The following CPLANE1 variants were observed in gnomAD, a reference collection of about 807,000 sequenced individuals.
The protein encoded by CPLANE1 is ciliogenesis and planar polarity effector 1.
CPLANE1 carries 263 observed loss-of-function variants against 362.5 expected under a neutral mutation model. The ratio of observed to expected loss-of-function variants is 0.73; its 90% confidence interval spans 0.66 to 0.80. The LOEUF (loss-of-function observed/expected upper bound fraction) is 0.80, where lower values mean the gene tolerates loss of function less well. Ranked by LOEUF, CPLANE1 falls within the 30% of genes least tolerant of loss-of-function variation. The pLI is 0.00. For missense variants in CPLANE1, 3,461 were observed against 3,793.4 expected, an observed-to-expected ratio of 0.91 and a Z score of 2.30; for synonymous variants, 1,212 against 1,302.6, an observed-to-expected ratio of 0.93 and a Z score of 1.50.
chr5:37,076,351 G>A, the CPLANE1 span, among the ~76,000 whole-genome samples: 1 of 151,678 alleles, frequency 6.6e-6, no homozygotes, highest in African/African-American at 2.4e-5. Flanking sequence ...TTTGAGACAA[G>A]GTCTCACTCT....
At chr5:37,152,472 T>C (rs779853759) in intron 42 of CPLANE1, among the ~76,000 whole-genome samples, 1 of 152,174 alleles carries the variant, frequency 6.6e-6, no homozygotes, top group Non-Finnish European at 1.5e-5. Flanking sequence ...TTTAATCCTT[T>C]TGATATAAAT....
intron 46 of CPLANE1, among the ~76,000 whole-genome samples, chr5:37,129,658 C>G (rs141472068): frequency 6.6e-6 from 1 of 152,102 alleles, no homozygotes. Context: ...CTCAACATCG[C>G]TAATGATCAG....
At position 37,244,578 on chromosome 5, in the gene CPLANE1, AT is replaced by A. The variant is rs1738850906; in HGVS notation, c.366del (p.Ser123LeufsTer10). ...VASSLRLYLY[V>X]SGNGKRIVLI... Reference sequence around the variant, plus strand: ...AGCACAATTCTTTTCCCATTTCCAGATACATACAAGTACAGTCTCAAAGAGC... The same window carrying A: ...AGCACAATTCTTTTCCCATTTCCAGAACATACAAGTACAGTCTCAAAGAGC... On this transcript the variant is annotated frameshift_variant, in exon 5 of 53. Coordinates refer to ENST00000651892, the MANE Select transcript of CPLANE1 (RefSeq NM_001384732.1). 1.3e-6 allele frequency: 2 copies of A among 1,551,334 alleles called. No homozygotes were observed. The highest frequency in any genetic ancestry group is 4.9e-5 in the East Asian group (2 of 40,914).
chr5:37,087,625 T>A, the CPLANE1 span, among the ~76,000 whole-genome samples: 9 of 151,972 alleles, frequency 5.9e-5, no homozygotes, highest in East Asian at 1.7e-3. Flanking sequence ...CCCGGCTAAT[T>A]TTTTGTATTT....
At chr5:37,083,012 A>G in the CPLANE1 span, among the ~76,000 whole-genome samples, 20 of 152,260 alleles carry the variant, frequency 1.3e-4, no homozygotes, top group Middle Eastern at 3.4e-3. Context: ...TCTCTGAAGG[A>G]AGCAGATTAC....
At chr5:37,192,995 C>T (rs917342996) in intron 21 of CPLANE1, among the ~76,000 whole-genome samples, 34 of 151,086 alleles carry the variant, frequency 2.3e-4, no homozygotes, top group African/African-American at 8.0e-4. Flanking sequence ...GGTGAAACCC[C>T]GCCCTACTAA....
At position 37,226,915 on chromosome 5, in the gene CPLANE1, C is replaced by T. The variant is rs749473632; in HGVS notation, c.1680G>A (p.Glu560=). 147 of 1,551,738 alleles carry T rather than the reference C, an allele frequency of 9.5e-5. No homozygotes were observed. The highest frequency in any genetic ancestry group is 1.7e-4 in the Middle Eastern group (1 of 6,014). The change falls in exon 12 of 53, where the codon GAG becomes GAA. Residue 560 remains glutamate (E), a synonymous_variant. Coordinates refer to ENST00000651892, the MANE Select transcript of CPLANE1 (RefSeq NM_001384732.1). ...GTTCTGTAATGGTTCTATCTGTCTCCTCACTATCATCCTTTGCATGTATCG... is the reference window on the plus strand; with the variant it reads ...GTTCTGTAATGGTTCTATCTGTCTCTTCACTATCATCCTTTGCATGTATCG... ...FDTIHAKDDS[E]ETDRTITELH...
At chr5:37,163,284 C>CTGAATG in intron 37 of CPLANE1, among the ~76,000 whole-genome samples, 1 of 152,132 alleles carries the variant, frequency 6.6e-6, no homozygotes, top group East Asian at 1.9e-4. Context: ...GAATTGGTTA[C>CTGAATG]TGAATGGATA....
rs141899102 is a variant in CPLANE1, at chr5:37,176,866, C to A, written c.5900+755G>T. Among the ~76,000 whole-genome samples, 426 of 151,480 alleles carry A rather than the reference C, an allele frequency of 2.8e-3. 2 individuals carry two copies. The highest frequency in any genetic ancestry group is 0.01 in the African/African-American group (414 of 41,248). On this transcript the variant is annotated intron_variant, in intron 30 of 52. Coordinates refer to ENST00000651892, the MANE Select transcript of CPLANE1 (RefSeq NM_001384732.1). The stretch of plus-strand genomic sequence containing the variant: ...CTCCGCCTCCCCGGGTCATGCCATT[C>A]TCCTGCCTCAGCCTCCCGAGTAGCT...
chr5:37,186,312 T>C lies in CPLANE1; in HGVS notation c.4163A>G (p.Gln1388Arg), dbSNP rs1361328165. The change falls in exon 24 of 53, where the codon CAG becomes CGG. Residue 1388 changes from glutamine to arginine, a missense_variant. Gln to Arg is a conservative substitution (Grantham distance 43, BLOSUM62 1). Around this residue, in one of 2 missense-constraint regions of CPLANE1, gnomAD observed 3,380 missense variants for 3,666.1 expected, o/e 0.92. Transcript: ENST00000651892. ...TTTCACAACACAGTGTCTGAGTCTC[T>C]GGTGAAGAGAGTGATATTTGTCTCT... The part of the protein sequence containing the change: ...PLRDKYHSLH[Q>R]RLRHCVVKGP... The C allele has an allele frequency of 6.4e-7, 1 of 1,570,888 alleles. No individual in the cohort carries two copies. The highest frequency in any genetic ancestry group is 1.7e-4 in the Middle Eastern group (1 of 5,988).
the CPLANE1 span, among the ~76,000 whole-genome samples, chr5:37,097,175 C>A: frequency 2.6e-5 from 4 of 152,060 alleles, no homozygotes; most frequent in South Asian, 8.3e-4. Context: ...ATAGCAAGAC[C>A]CCATCTCGTT....
At chr5:37,165,261 T>C (rs1310840426) in intron 36 of CPLANE1, among the ~76,000 whole-genome samples, 1 of 152,158 alleles carries the variant, frequency 6.6e-6, no homozygotes, top group African/African-American at 2.4e-5. Flanking sequence ...TAAGATGTCA[T>C]AGAAATAAGC....
At chr5:37,238,484 T>G (rs1367214753) in intron 8 of CPLANE1, among the ~76,000 whole-genome samples, 4 of 129,722 alleles carry the variant, frequency 3.1e-5, no homozygotes, top group African/African-American at 1.1e-4. Context: ...CGCCCAGCCT[T>G]TTCTTTTTTT....
chr5:37,225,802 G>A (rs1254954436), intron 12 of CPLANE1, among the ~76,000 whole-genome samples: 4 of 137,990 alleles, frequency 2.9e-5, no homozygotes, highest in East Asian at 2.2e-4. Flanking sequence ...GCAGTGAGCC[G>A]AGATTGCATC....
At chr5:37,211,902 G>A in intron 16 of CPLANE1, 2 of 790,098 alleles carry the variant, frequency 2.5e-6, no homozygotes, top group Admixed American at 1.7e-5. Flanking sequence ...GCCCTCTCCT[G>A]CCGGGGATAT....
At chr5:37,207,882 A>T (rs544365507) in intron 16 of CPLANE1, among the ~76,000 whole-genome samples, 1 of 152,012 alleles carries the variant, frequency 6.6e-6, no homozygotes, top group South Asian at 2.1e-4. Flanking sequence ...AATGCAACTC[A>T]TATCACTCTC....
chr5:37,173,891 T>C lies in CPLANE1; in HGVS notation c.6035A>G (p.Asn2012Ser). The C allele has an allele frequency of 1.9e-6, 3 of 1,614,164 alleles. No individual in the cohort carries two copies. The highest frequency in any genetic ancestry group is 2.5e-6 in the Non-Finnish European group (3 of 1,180,010). ...KSSSVPLLIS[N>S]GVNVASQPPA... ...TGGTTGTGAAGCAACATTGACTCCATTTGATATCAGAAGTGGAACTGAGGA... is the reference window on the plus strand; with the variant it reads ...TGGTTGTGAAGCAACATTGACTCCACTTGATATCAGAAGTGGAACTGAGGA... Residue 2012 changes from asparagine to serine, a missense_variant, in exon 32 of 53, where the codon AAT becomes AGT. By Grantham distance (46) the Asn-to-Ser change is conservative. This residue lies in a region of CPLANE1 where 3,380 missense variants were observed against 3,666.1 expected (regional missense o/e 0.92). Transcript: ENST00000651892.
At chr5:37,239,663 A>T (rs769728212) in intron 7 of CPLANE1, 50 bp downstream of exon 7, 27 of 1,272,138 alleles carry the variant, frequency 2.1e-5, no homozygotes, top group Admixed American at 6.9e-5. Flanking sequence ...TCAAAACTGG[A>T]ATAAACTCCT....
rs539170324 is a variant in CPLANE1, at chr5:37,135,572, C to T, written c.8792+3148G>A. On this transcript the variant is annotated intron_variant, in intron 46 of 52. Transcript: ENST00000651892. ...CAGATTGGCCAGGTGCAGTGGCTCA[C>T]ACCTGTAATCCCAGCACTTTGGGAA... Among the ~76,000 whole-genome samples, 7 of 152,252 alleles carry T rather than the reference C, an allele frequency of 4.6e-5. No homozygotes were observed. The East Asian group carries it at 1.4e-3, about 29-fold the overall frequency.
Sources: allele counts gnomAD v4.1 joint callset (sites outside exome capture counted in the v4.1 genomes callset), GRCh38; gene constraint gnomAD v4.1.1; regional missense constraint gnomAD v4.1.1; transcripts MANE v1.5; gene names NCBI Gene and HGNC (gene_info 2026-07-23, HGNC 2026-07-21).